CNGB3: variants seen among roughly 807,000 people sequenced by gnomAD.
CNGB3 encodes cyclic nucleotide gated channel subunit beta 3.
A neutral mutation model predicts 92.8 loss-of-function variants in CNGB3; 86 were observed. The observed-to-expected ratio is 0.93, with a 90% confidence interval of 0.78 to 1.11. CNGB3 has a LOEUF of 1.11. Among genes scored for constraint, CNGB3 ranks in the 50% least tolerant of loss-of-function variants. The probability of loss-of-function intolerance (pLI) is 0.00; values close to 1 mark genes in which losing one functional copy is unlikely to be tolerated. For synonymous variants in CNGB3, 333 were observed against 332.7 expected (o/e 1.00, Z -0.01); for missense variants, 1,026 against 956.8 (o/e 1.07, Z -0.95).
At chr8:86,658,295 A>C (rs1823559847) in intron 6 of CNGB3, 3 of 505,406 alleles carry the variant, frequency 5.9e-6, no homozygotes, top group South Asian at 5.7e-5. Context: ...TGGCCTCCCG[A>C]CTCTCCAGTT....
chr8:86,723,316 G>A (rs1825006786), intron 3 of CNGB3, among the ~76,000 whole-genome samples: 1 of 152,018 alleles, frequency 6.6e-6, no homozygotes. Context: ...TGAGGTGACA[G>A]CTGGTCACTC....
intron 8 of CNGB3, among the ~76,000 whole-genome samples, chr8:86,646,511 T>A (rs9297941): frequency 6.6e-6 from 1 of 150,892 alleles, no homozygotes; most frequent in Non-Finnish European, 1.5e-5. Context: ...TCTCATTTTC[T>A]TCGTCTCTAA....
At chr8:86,693,588 T>G (rs1425501227) in intron 3 of CNGB3, among the ~76,000 whole-genome samples, 2 of 150,422 alleles carry the variant, frequency 1.3e-5, no homozygotes, top group Non-Finnish European at 3.0e-5. Context: ...CAGAGGACCC[T>G]GCGGCCTTCC....
intron 6 of CNGB3, chr8:86,661,286 A>C (rs1586000166): frequency 2.9e-6 from 1 of 343,654 alleles, no homozygotes; most frequent in Non-Finnish European, 6.0e-6. Flanking sequence ...GCAGTTTAAC[A>C]TGCCAGTCAT....
chr8:86,688,807 T>C (rs1824240520), intron 3 of CNGB3, among the ~76,000 whole-genome samples: 1 of 151,994 alleles, frequency 6.6e-6, no homozygotes, highest in Non-Finnish European at 1.5e-5. Flanking sequence ...ATTTCATTTA[T>C]TTCTGCTCTG....
intron 6 of CNGB3, chr8:86,659,950 C>G: frequency 3.0e-6 from 1 of 335,814 alleles, no homozygotes; most frequent in Non-Finnish European, 6.0e-6. Flanking sequence ...GTCCTGGGCT[C>G]TTGATCAATG....
intron 15 of CNGB3, among the ~76,000 whole-genome samples, chr8:86,583,973 T>C (rs959242246): frequency 6.9e-6 from 1 of 145,114 alleles, no homozygotes; most frequent in African/African-American, 2.5e-5. Flanking sequence ...GCAGAAAGTA[T>C]ATATTTGGAA....
intron 13 of CNGB3, among the ~76,000 whole-genome samples, chr8:86,613,429 A>C (rs922541072): frequency 6.6e-6 from 1 of 152,178 alleles, no homozygotes; most frequent in Admixed American, 6.5e-5. Flanking sequence ...TTTAAAACTC[A>C]CTTAGAAAAA....
intron 8 of CNGB3, 118 bp downstream of exon 8, chr8:86,647,683 G>A: frequency 3.0e-6 from 2 of 671,394 alleles, no homozygotes; most frequent in Admixed American, 4.8e-5. Context: ...AAGAGTTTGG[G>A]AAAAATTAAG....
At chr8:86,622,640 C>T (rs1822762505) in intron 13 of CNGB3, among the ~76,000 whole-genome samples, 1 of 152,152 alleles carries the variant, frequency 6.6e-6, no homozygotes, top group Non-Finnish European at 1.5e-5. Context: ...ATCTTGAACT[C>T]CTGGCCTCAA....
chr8:86,678,579 C>T (rs1166680710), intron 3 of CNGB3, among the ~76,000 whole-genome samples: 1 of 152,100 alleles, frequency 6.6e-6, no homozygotes, highest in East Asian at 1.9e-4. Context: ...CACTTGTTTC[C>T]ACACCCCATG....
chr8:86,741,790 G>A (rs1367814534), intron 1 of CNGB3, among the ~76,000 whole-genome samples: 1 of 152,142 alleles, frequency 6.6e-6, no homozygotes, highest in East Asian at 1.9e-4. Context: ...CCTAATCTAA[G>A]TACTTCTCCA....
intron 3 of CNGB3, among the ~76,000 whole-genome samples, chr8:86,720,839 TAC>T (rs4024071): frequency 0.027 from 3,462 of 129,830 alleles, 58 homozygotes; most frequent in East Asian, 0.047. Context: ...TATATATGTA[TAC>T]ACACACACAC....
At chr8:86,732,594 A>G (rs1030695126) in intron 2 of CNGB3, among the ~76,000 whole-genome samples, 30 of 152,198 alleles carry the variant, frequency 2.0e-4, no homozygotes, top group African/African-American at 5.8e-4. Context: ...CCAGTTATCC[A>G]TAAGTTTTCT....
chr8:86,625,419 A>C lies in CNGB3; in HGVS notation c.1578+564T>G, dbSNP rs114762929. ...CCCAGAAGGAAATATTAGGTGAGAA[A>C]AATTTATATGTGATATAATGCACAA... On this transcript the variant is annotated intron_variant, in intron 13 of 17. Coordinates refer to ENST00000320005, the MANE Select transcript of CNGB3 (RefSeq NM_019098.5). Among the ~76,000 whole-genome samples, 493 of 152,330 alleles carry C rather than the reference A, an allele frequency of 3.2e-3. 1 individual carries two copies. The highest frequency in any genetic ancestry group is 0.011 in the African/African-American group (461 of 41,568).
chr8:86,600,969 A>T (rs1822287053), intron 15 of CNGB3, among the ~76,000 whole-genome samples: 2 of 151,376 alleles, frequency 1.3e-5, no homozygotes, highest in Admixed American at 6.6e-5. Flanking sequence ...TGTTGGAGAG[A>T]CCTGTCTGAA....
In CNGB3 at chr8:86,632,811, C is replaced by A. The variant is rs770982640; in HGVS notation, c.1261G>T (p.Val421Phe). The A allele has an allele frequency of 5.0e-6, 8 of 1,612,772 alleles. No homozygotes were observed. The South Asian group carries it at 8.8e-5, about 18-fold the overall frequency. Reference protein sequence around the residue: ...LPEPQTLFEIVFQLLNFFSGV... With the variant: ...LPEPQTLFEIFFQLLNFFSGV... Reference sequence around the variant, plus strand: ...GAAAAAAAATTCAAGAGTTGAAAAACAATTTCAAATAAAGTTTGTGGTTCT... The same window carrying A: ...GAAAAAAAATTCAAGAGTTGAAAAAAAATTTCAAATAAAGTTTGTGGTTCT... Residue 421 changes from valine (V) to phenylalanine (F), a missense_variant, in exon 11 of 18, where the codon GTT (valine) becomes TTT (phenylalanine). Physicochemically the swap from Val to Phe is conservative, Grantham distance 50 (BLOSUM62 -1). Coordinates refer to ENST00000320005, the MANE Select transcript of CNGB3 (RefSeq NM_019098.5).
rs1458117 is a variant in CNGB3 at position 86,710,913 on chromosome 8, T to G, written c.338+15618A>C. Among the ~76,000 whole-genome samples the G allele has an allele frequency of 4.5e-3, 681 of 152,310 alleles. 7 individuals are homozygous for G. The highest frequency in any genetic ancestry group is 0.016 in the African/African-American group (645 of 41,566). ...TTTTTCCTGTTGACCACATGCCAGA[T>G]TTTATAATGAAATTACCTGGTTTGA... On this transcript the variant is annotated intron_variant, in intron 3 of 17. Coordinates refer to ENST00000320005, the MANE Select transcript of CNGB3 (RefSeq NM_019098.5).
At chr8:86,725,534 G>A (rs1361163057) in intron 3 of CNGB3, among the ~76,000 whole-genome samples, 1 of 152,114 alleles carries the variant, frequency 6.6e-6, no homozygotes, top group Non-Finnish European at 1.5e-5. Context: ...GTGTTTATGT[G>A]CACACGTGTG....
Sources: allele counts gnomAD v4.1 joint callset (sites outside exome capture counted in the v4.1 genomes callset), GRCh38; gene constraint gnomAD v4.1.1; transcripts MANE v1.5; gene names NCBI Gene and HGNC (gene_info 2026-07-23, HGNC 2026-07-21).